The following OPCML variants were observed in gnomAD, a reference collection of about 807,000 sequenced individuals.
OPCML encodes opioid binding protein/cell adhesion molecule like.
A neutral mutation model predicts 37.8 loss-of-function variants in OPCML; 13 were observed. The ratio of observed to expected loss-of-function variants is 0.34; its 90% CI spans 0.22 to 0.55. The LOEUF is 0.55. OPCML is among the 20% of genes least tolerant of loss of function. The pLI, the probability that OPCML is intolerant of heterozygous loss-of-function variation, is 0.91. For synonymous variants in OPCML, 176 were observed against 168.8 expected (o/e 1.04, Z -0.33); for missense variants, 341 against 435.6 (o/e 0.78, Z 1.93).
chr11:133,272,304 A>T (rs1029352420), intron 1 of OPCML, among the ~76,000 whole-genome samples: 1 of 152,180 alleles, frequency 6.6e-6, no homozygotes, highest in African/African-American at 2.4e-5. Flanking sequence ...TTCTTGTAGA[A>T]CAAGAAAAAA....
chr11:132,638,147 A>G (rs1940623932), intron 3 of OPCML, among the ~76,000 whole-genome samples: 1 of 136,702 alleles, frequency 7.3e-6, no homozygotes, highest in Non-Finnish European at 1.5e-5. Context: ...AGAAAGCTAA[A>G]GAGCATATAT....
At chr11:132,554,879 T>TG (rs1200004597) in intron 3 of OPCML, among the ~76,000 whole-genome samples, 3 of 138,688 alleles carry the variant, frequency 2.2e-5, no homozygotes, top group Non-Finnish European at 3.1e-5. Flanking sequence ...TTTTTTTTTT[T>TG]TTTTTTTTTT....
chr11:133,359,077 G>C (rs1359344981), intron 1 of OPCML, among the ~76,000 whole-genome samples: 1 of 152,142 alleles, frequency 6.6e-6, no homozygotes, highest in East Asian at 1.9e-4. Context: ...AATTTGAAAA[G>C]AGAACTTAAC....
At chr11:132,790,545 T>C (rs1018821388) in intron 2 of OPCML, among the ~76,000 whole-genome samples, 15 of 152,364 alleles carry the variant, frequency 9.8e-5, no homozygotes, top group African/African-American at 3.4e-4. Flanking sequence ...GCTGGTTCTC[T>C]TACTGGTTCC....
chr11:132,423,835 T>C (rs2095968413), intron 7 of OPCML, among the ~76,000 whole-genome samples: 1 of 152,144 alleles, frequency 6.6e-6, no homozygotes, highest in African/African-American at 2.4e-5. Flanking sequence ...GAGCCACCTG[T>C]GTGACAGGGG....
intron 1 of OPCML, among the ~76,000 whole-genome samples, chr11:132,968,402 C>T (rs1946262125): frequency 6.6e-6 from 1 of 152,188 alleles, no homozygotes; most frequent in Non-Finnish European, 1.5e-5. Context: ...TGAGGTATGG[C>T]AGGGCATCCA....
intron 1 of OPCML, among the ~76,000 whole-genome samples, chr11:133,141,639 CT>C (rs1420461127): frequency 1.2e-4 from 19 of 152,144 alleles, no homozygotes; most frequent in African/African-American, 4.6e-4. Context: ...CTTCACCTGG[CT>C]GCTCCCAGCA....
intron 1 of OPCML, among the ~76,000 whole-genome samples, chr11:133,396,416 T>A (rs1270612261): frequency 2.6e-5 from 4 of 152,092 alleles, no homozygotes; most frequent in Non-Finnish European, 5.9e-5. Context: ...GGACTTCCTG[T>A]CACTCACTCT....
intron 3 of OPCML, among the ~76,000 whole-genome samples, chr11:132,532,497 A>G (rs2096328492): frequency 6.6e-6 from 1 of 152,216 alleles, no homozygotes; most frequent in Admixed American, 6.5e-5. Flanking sequence ...AATAGAATAA[A>G]TATTCTCACT....
At chr11:132,714,760 C>T (rs562965081) in intron 2 of OPCML, among the ~76,000 whole-genome samples, 54 of 152,250 alleles carry the variant, frequency 3.5e-4, no homozygotes, top group Admixed American at 8.5e-4. Flanking sequence ...AAGGACACAC[C>T]GGTTTTCCAT....
chr11:132,581,698 C>T (rs2096462316), intron 3 of OPCML, among the ~76,000 whole-genome samples: 1 of 152,078 alleles, frequency 6.6e-6, no homozygotes, highest in South Asian at 2.1e-4. Context: ...CCCTAACAGA[C>T]ACATACTTTT....
rs556233736 is a variant in OPCML at position 133,127,693 on chromosome 11, G to A, written c.62-184683C>T. On this transcript the variant is annotated intron_variant, in intron 1 of 7. Coordinates refer to ENST00000524381, the MANE Select transcript of OPCML (RefSeq NM_001012393.5). The stretch of plus-strand genomic sequence containing the variant: ...TACTAATTATCTACAATGTGCACAG[G>A]CTTGTGCTACTAGGGATATAAATGT... 1.8e-4 allele frequency among the ~76,000 whole-genome samples: 28 copies of A among 151,692 alleles called. No individual in the cohort carries two copies. The South Asian group carries it at 5.6e-3, about 31-fold the overall frequency.
chr11:133,331,346 T>G (rs569451808), intron 1 of OPCML, among the ~76,000 whole-genome samples: 60 of 152,286 alleles, frequency 3.9e-4, no homozygotes, highest in Non-Finnish European at 7.1e-4. Context: ...ACATCAATCA[T>G]GCAATGTAGG....
intron 1 of OPCML, among the ~76,000 whole-genome samples, chr11:133,375,163 G>A (rs1226524153): frequency 1.3e-5 from 2 of 152,130 alleles, no homozygotes; most frequent in Non-Finnish European, 2.9e-5. Context: ...TTTCCATAGA[G>A]TCTTCCTCTG....
intron 1 of OPCML, chr11:133,007,747 T>A: frequency 1.0e-6 from 1 of 985,020 alleles, no homozygotes; most frequent in Non-Finnish European, 1.2e-6. Flanking sequence ...CCACACAGAG[T>A]GGTGAAAAGA....
chr11:133,095,689 A>G (rs1948990320), intron 1 of OPCML, among the ~76,000 whole-genome samples: 1 of 150,534 alleles, frequency 6.6e-6, no homozygotes, highest in Non-Finnish European at 1.5e-5. Flanking sequence ...AAAATCAAAG[A>G]TAATGAAAAA....
chr11:132,634,121 A>G (rs1176717723), intron 3 of OPCML, among the ~76,000 whole-genome samples: 1 of 152,180 alleles, frequency 6.6e-6, no homozygotes, highest in Non-Finnish European at 1.5e-5. Flanking sequence ...GCTGCTCCAG[A>G]TAGCTGCCCT....
At chr11:133,379,946 C>T (rs532120092) in intron 1 of OPCML, among the ~76,000 whole-genome samples, 1 of 152,314 alleles carries the variant, frequency 6.6e-6, no homozygotes, top group African/African-American at 2.4e-5. Flanking sequence ...ACCTTCAGCT[C>T]ACAGGTAGAA....
chr11:133,417,727 G>A (rs1175152245), intron 1 of OPCML, among the ~76,000 whole-genome samples: 2 of 150,766 alleles, frequency 1.3e-5, no homozygotes, highest in East Asian at 2.0e-4. Flanking sequence ...GAGTGAGAAC[G>A]TCTATACCCT....
Sources: allele counts gnomAD v4.1 joint callset (sites outside exome capture counted in the v4.1 genomes callset), GRCh38; gene constraint gnomAD v4.1.1; transcripts MANE v1.5; gene names NCBI Gene and HGNC (gene_info 2026-07-23, HGNC 2026-07-21).